Variants in OPHN1 observed in about 807,000 individuals in gnomAD.
OPHN1 encodes the protein oligophrenin 1.
In OPHN1, 11 loss-of-function variants were observed where a neutral mutation model predicts 60.7. The ratio of observed to expected loss-of-function variants is 0.18; its 90% CI spans 0.11 to 0.30. OPHN1 has a LOEUF of 0.30. Among genes scored for constraint, OPHN1 ranks in the 10% least tolerant of loss-of-function variants. OPHN1 has a pLI of 1.00. For missense variants in OPHN1, 449 were observed against 611.0 expected (o/e 0.73, Z 2.80); for synonymous variants, 226 against 222.6 (o/e 1.02, Z -0.14).
chrX:68,267,849 G>A (rs1044418267), intron 5 of OPHN1, among the ~76,000 whole-genome samples: 1 of 111,285 alleles, frequency 9.0e-6, no homozygotes, highest in African/African-American at 3.3e-5. Flanking sequence ...TGATAAAGGG[G>A]ATATCACCAC....
chrX:68,106,732 A>C (rs903116963), intron 18 of OPHN1, among the ~76,000 whole-genome samples: 4 of 111,863 alleles, frequency 3.6e-5, no homozygotes, highest in Non-Finnish European at 7.5e-5. Flanking sequence ...ACAGGCTGTC[A>C]GTGGAAACAC....
At chrX:68,378,418 A>C (rs1015161904) in intron 2 of OPHN1, among the ~76,000 whole-genome samples, 1 of 111,642 alleles carries the variant, frequency 9.0e-6, no homozygotes, top group African/African-American at 3.3e-5. Context: ...TTTGCTGTGC[A>C]GAAGCTCTTT....
chrX:68,348,186 G>A (rs781313012), intron 2 of OPHN1, among the ~76,000 whole-genome samples: 27 of 112,230 alleles, frequency 2.4e-4, no homozygotes, highest in Non-Finnish European at 3.0e-4. Flanking sequence ...ATCAGTGTTA[G>A]AGGATCAGGT....
intron 19 of OPHN1, among the ~76,000 whole-genome samples, chrX:68,095,862 G>C (rs2077036479): frequency 9.0e-6 from 1 of 111,118 alleles, no homozygotes; most frequent in Non-Finnish European, 1.9e-5. Context: ...CCTCATTCTG[G>C]GCATCATTTT....
At chrX:68,398,213 T>C (rs1040015132) in intron 2 of OPHN1, among the ~76,000 whole-genome samples, 3 of 112,132 alleles carry the variant, frequency 2.7e-5, no homozygotes, top group Non-Finnish European at 3.8e-5. Context: ...TGCTCATGAC[T>C]ACATGTGCAC....
chrX:68,362,288 A>G (rs1445294876), intron 2 of OPHN1, among the ~76,000 whole-genome samples: 1 of 111,656 alleles, frequency 9.0e-6, no homozygotes, highest in Non-Finnish European at 1.9e-5. Flanking sequence ...TGAAAACTGC[A>G]TGATCTACTT....
intron 15 of OPHN1, among the ~76,000 whole-genome samples, chrX:68,129,416 A>T (rs2077184783): frequency 8.9e-6 from 1 of 112,098 alleles, no homozygotes; most frequent in African/African-American, 3.2e-5. Context: ...TGGGTCCATG[A>T]TGAGGCCTGG....
At chrX:68,110,354 A>G (rs1302254001) in intron 18 of OPHN1, among the ~76,000 whole-genome samples, 1 of 112,193 alleles carries the variant, frequency 8.9e-6, no homozygotes, top group Admixed American at 9.5e-5. Context: ...TTCTTAAAGT[A>G]AGCCAAGCAG....
chrX:68,064,353 T>C (rs1418857592), intron 20 of OPHN1, among the ~76,000 whole-genome samples, 176 bp from the exon 21 acceptor site: 2 of 111,623 alleles, frequency 1.8e-5, no homozygotes, highest in Admixed American at 9.5e-5. Flanking sequence ...TCCCAGTTCA[T>C]GTAAAGCCAC....
intron 2 of OPHN1, among the ~76,000 whole-genome samples, chrX:68,319,666 G>A (rs186186623): frequency 0.017 from 1,859 of 110,119 alleles, 33 homozygotes; most frequent in African/African-American, 0.05. Context: ...AGCCTGGGAG[G>A]TGGAGGTTGC....
chrX:68,346,364 T>C (rs2078379208), intron 2 of OPHN1, among the ~76,000 whole-genome samples: 1 of 111,537 alleles, frequency 9.0e-6, no homozygotes, highest in African/African-American at 3.3e-5. Context: ...GGAGGCTGTA[T>C]CAAATAACAA....
chrX:68,197,262 G>C lies in OPHN1; in HGVS notation c.1028C>G (p.Pro343Arg). Residue 343 changes from proline to arginine, a missense_variant and splice_region_variant, in exon 12 of 25, where the codon CCA (proline) becomes CGA (arginine). Pro to Arg is a moderately radical substitution (Grantham distance 103). This residue lies in a region of OPHN1 where 166 missense variants were observed against 278.4 expected (regional missense o/e 0.60). Coordinates refer to ENST00000355520, the MANE Select transcript of OPHN1 (RefSeq NM_002547.3). ...AAGGGCCTGCAGAGTGATGGTTCCT[G>C]GCCTGAGGGGGAAAAAAATGGTAAG... ...FCFDIETNER[P>R]GTITLQALSE... The C allele has an allele frequency of 8.3e-7, 1 of 1,202,238 alleles. No homozygotes were observed. Among genetic ancestry groups the C allele is most frequent in the Non-Finnish European group, 1.1e-6 (1 of 887,832 alleles).
intron 5 of OPHN1, among the ~76,000 whole-genome samples, chrX:68,265,203 G>A (rs2147574194): frequency 8.9e-6 from 1 of 112,032 alleles, no homozygotes; most frequent in South Asian, 3.7e-4. Context: ...GCACGCAGCT[G>A]GAGATCTGAG....
At chrX:68,193,827 T>C in intron 14 of OPHN1, 63 bp downstream of exon 14, 1 of 960,683 alleles carries the variant, frequency 1.0e-6, no homozygotes, top group Non-Finnish European at 1.5e-6. Flanking sequence ...TCAGAGAAAT[T>C]GCCCAGGATA....
At chrX:68,262,711 C>T (rs2077899536) in intron 5 of OPHN1, among the ~76,000 whole-genome samples, 1 of 111,834 alleles carries the variant, frequency 8.9e-6, no homozygotes, top group Admixed American at 9.5e-5. Context: ...CGCTTGAACC[C>T]GGGAGGCGGA....
intron 2 of OPHN1, among the ~76,000 whole-genome samples, chrX:68,366,488 CCAGA>C (rs2078499664): frequency 2.7e-5 from 3 of 109,657 alleles, no homozygotes; most frequent in South Asian, 4.0e-4. Context: ...ACCACTATGC[CCAGA>C]CAATTAATTT....
At chrX:68,180,383 G>A (rs7063913) in intron 15 of OPHN1, among the ~76,000 whole-genome samples, 14,396 of 110,599 alleles carry the variant, frequency 0.13, 753 homozygotes, top group African/African-American at 0.19. Flanking sequence ...TATTAAAATC[G>A]TTATTTTTAA....
rs1303723594 is a variant in OPHN1 at position 68,111,946 on chromosome X, C to G, written c.1434G>C (p.Leu478=). 2 of 1,193,299 alleles carry G rather than the reference C, an allele frequency of 1.7e-6. No homozygotes were observed. The highest frequency in any genetic ancestry group is 2.3e-6 in the Non-Finnish European group (2 of 879,340). Residue 478 remains leucine, a synonymous_variant, in exon 18 of 25, where the codon CTG becomes CTC. Transcript: ENST00000355520. The stretch of plus-strand genomic sequence containing the variant: ...AGTGAATAGCTCCTAGGCGGTAATC[C>G]AGGTTGTCAGACTCTGGGATAGAAC... ...ELVSAAKSDN[L]DYRLGAIHSL... is the part of the protein sequence containing the mutation.
chrX:68,312,449 A>G (rs1401118696), intron 2 of OPHN1, among the ~76,000 whole-genome samples: 1 of 109,741 alleles, frequency 9.1e-6, no homozygotes, highest in Non-Finnish European at 1.9e-5. Context: ...ACAAGATAAA[A>G]TAGCAAGTAT....
Sources: gnomAD v4.1 joint callset for allele counts (sites outside exome capture counted in the v4.1 genomes callset) on GRCh38, gnomAD v4.1.1 for gene constraint, gnomAD v4.1.1 regional missense constraint, MANE v1.5 for transcripts, NCBI Gene and HGNC (gene_info 2026-07-23, HGNC 2026-07-21) for gene names.